NFKBIZ: variants seen among roughly 807,000 people sequenced by gnomAD.
NFKBIZ encodes the protein NF-kappa-B inhibitor zeta.
Under a neutral mutation model 76.8 loss-of-function variants are expected in NFKBIZ, and 19 were observed. The ratio of observed to expected loss-of-function variants is 0.25; its 90% CI spans 0.17 to 0.36. NFKBIZ has a LOEUF of 0.36. NFKBIZ is among the 10% of genes least tolerant of loss of function. The pLI is 1.00. For synonymous variants in NFKBIZ, 368 were observed against 354.8 expected (o/e 1.04, Z -0.42); for missense variants, 829 against 910.9 (o/e 0.91, Z 1.16).
chr3:101,844,991 G>C (rs1343907053), upstream of NFKBIZ, among the ~76,000 whole-genome samples: 2 of 152,070 alleles, frequency 1.3e-5, no homozygotes, highest in African/African-American at 2.4e-5. Context: ...ATTCTGGCCG[G>C]GCACGGTGGC....
intron 2 of NFKBIZ, among the ~76,000 whole-genome samples, chr3:101,844,108 T>C (rs1203438559): frequency 1.3e-5 from 2 of 152,220 alleles, no homozygotes; most frequent in African/African-American, 4.8e-5. Context: ...GTATAATTGG[T>C]GTTCCATGAA....
chr3:101,852,528 A>G (rs1266744951), intron 2 of NFKBIZ, among the ~76,000 whole-genome samples: 2 of 152,268 alleles, frequency 1.3e-5, no homozygotes, highest in Non-Finnish European at 2.9e-5. Flanking sequence ...TATTAATTTC[A>G]TCTTGACCTG....
In NFKBIZ at chr3:101,849,671, G is replaced by A; in HGVS notation, c.43G>A (p.Gly15Arg). Residue 15 changes from glycine to arginine, a missense_variant, in exon 1 of 12, where the codon GGG (glycine) becomes AGG (arginine). Physicochemically the swap from Gly to Arg is moderately radical, Grantham distance 125 (BLOSUM62 -2). Around this residue, in one of 4 missense-constraint regions of NFKBIZ, gnomAD observed 181 missense variants for 175.3 expected, o/e 1.03. Transcript: ENST00000326172. ...KLLDDSRGGE[G>R]LRDAAGGCGL... ...GCTGGACGACAGCCGCGGCGGAGAG[G>A]GGCTGCGGGACGCGGCGGGCGGCTG... The A allele has an allele frequency of 7.1e-7, 1 of 1,407,006 alleles. No homozygotes were observed. The highest frequency in any genetic ancestry group is 9.2e-7 in the Non-Finnish European group (1 of 1,089,436). 87.2% of individuals were successfully genotyped at this position (1,407,006 alleles called of 1,614,324 possible). A position where few individuals can be genotyped will look rare whatever the true frequency, so the allele number is the denominator to read the frequency against.
intron 2 of NFKBIZ, among the ~76,000 whole-genome samples, chr3:101,832,109 T>C (rs1942655393): frequency 6.6e-6 from 1 of 152,100 alleles, no homozygotes; most frequent in Non-Finnish European, 1.5e-5. Flanking sequence ...TCTTTCTTTT[T>C]TATTTTTTAT....
chr3:101,852,856 A>G lies in NFKBIZ; in HGVS notation c.461-30A>G, dbSNP rs1437825748. 4 of 1,605,042 alleles carry G rather than the reference A, an allele frequency of 2.5e-6. No homozygotes were observed. In the African/African-American group the frequency reaches 4.0e-5, roughly 16 times the overall value. On this transcript the variant is annotated intron_variant, in intron 3 of 11. Coordinates refer to ENST00000326172, the MANE Select transcript of NFKBIZ (RefSeq NM_031419.4). ...TGGGTAACATTTATAAAATAAAATG[A>G]TGACAGAGGCTGTATTCCTTTGGGT... is the stretch of plus-strand genomic sequence containing the variant.
At chr3:101,856,682 T>A (rs746731650) in intron 9 of NFKBIZ, 23 of 162,238 alleles carry the variant, frequency 1.4e-4, no homozygotes, top group Non-Finnish European at 2.6e-4. Flanking sequence ...CCCTTGAGGC[T>A]TACTGACTAG....
intron 2 of NFKBIZ, among the ~76,000 whole-genome samples, chr3:101,834,641 G>A (rs966280783): frequency 6.6e-5 from 10 of 152,138 alleles, no homozygotes; most frequent in African/African-American, 9.7e-5. Context: ...GATCACAGGC[G>A]TGAGCCACCA....
intron 11 of NFKBIZ, chr3:101,858,058 C>G (rs865914892): frequency 1.8e-5 from 16 of 903,602 alleles, no homozygotes; most frequent in Non-Finnish European, 1.9e-5. Flanking sequence ...TGAATAGTTT[C>G]ATGAGTAAAC....
chr3:101,850,031 C>T, intron 1 of NFKBIZ, 114 bp downstream of exon 1: 1 of 1,036,404 alleles, frequency 9.6e-7, no homozygotes, highest in South Asian at 2.8e-5. Context: ...CTAGGACGTA[C>T]GCACCTTAGC....
chr3:101,855,083 G>C lies in NFKBIZ; in HGVS notation c.1465G>C (p.Ala489Pro). The C allele has an allele frequency of 6.2e-7, 1 of 1,609,048 alleles. No homozygotes were observed. Among genetic ancestry groups the C allele is most frequent in the Non-Finnish European group, 8.5e-7 (1 of 1,178,628 alleles). ...ACAGAGTGCCTTTCAGGTGGCAGTG[G>C]CTGCCAATCAGCATCTCATTGTGCA... Reference protein sequence around the residue: ...NGQSAFQVAVAANQHLIVQDL... With the variant: ...NGQSAFQVAVPANQHLIVQDL... The change falls in exon 7 of 12, where the codon GCT (alanine) becomes CCT (proline). Residue 489 changes from alanine (A) to proline (P), a missense_variant. Ala to Pro is a conservative substitution (Grantham distance 27). This residue lies in a region of NFKBIZ where 272 missense variants were observed against 384.2 expected (regional missense o/e 0.71). Transcript: ENST00000326172.
rs773289696 is a variant in NFKBIZ, at chr3:101,853,191, A to G, written c.665A>G (p.Asn222Ser). Residue 222 changes from asparagine (N) to serine (S), a missense_variant, in exon 5 of 12, where the codon AAC (asparagine) becomes AGC (serine). Physicochemically the swap from Asn to Ser is conservative, Grantham distance 46. Around this residue, in one of 4 missense-constraint regions of NFKBIZ, gnomAD observed 371 missense variants for 332.3 expected, o/e 1.12. Coordinates refer to ENST00000326172, the MANE Select transcript of NFKBIZ (RefSeq NM_031419.4). ...SSADLLQNII[N>S]IKNECSPVSL... ...GCTGATCTGCTTCAGAACATTATCA[A>G]CATTAAGAATGAATGCAGCCCCGTT... 17 of 1,614,040 alleles carry G rather than the reference A, an allele frequency of 1.1e-5. No homozygotes were observed. The highest frequency in any genetic ancestry group is 1.6e-4 in the Middle Eastern group (1 of 6,084).
At position 101,860,501 on chromosome 3, in the gene NFKBIZ, T is replaced by C. The variant is rs957248142; in HGVS notation, c.*1130T>C. 1 of 152,116 alleles carries C rather than the reference T, an allele frequency of 6.6e-6. No homozygotes were observed. Among genetic ancestry groups the C allele is most frequent in the Admixed American group, 6.6e-5 (1 of 15,266 alleles). 9.4% of individuals were successfully genotyped at this position (152,116 alleles called of 1,614,324 possible). A position where few individuals can be genotyped will look rare whatever the true frequency, so the allele number is the denominator to read the frequency against. On this transcript the variant is annotated 3_prime_UTR_variant, in exon 12 of 12. Coordinates refer to ENST00000326172, the MANE Select transcript of NFKBIZ (RefSeq NM_031419.4). ...TGGCAGTTGCATGGAAGAGAACACC[T>C]CTTTATGGCTTACCCTCTAGAATTT...
chr3:101,849,385 T>G, upstream of NFKBIZ: 1 of 350,898 alleles, frequency 2.8e-6, no homozygotes, highest in Non-Finnish European at 5.1e-6. Context: ...TACATTTTAC[T>G]GGAAATCGGA....
chr3:101,855,705 C>T, intron 8 of NFKBIZ, 28 bp from the exon 9 acceptor site: 8 of 1,561,598 alleles, frequency 5.1e-6, no homozygotes, highest in African/African-American at 1.4e-5. Context: ...GGATGCTTGA[C>T]CACTGCTTGA....
In NFKBIZ at chr3:101,852,872, T is replaced by A. The variant is rs752539427; in HGVS notation, c.461-14T>A. 3 of 1,610,392 alleles carry A rather than the reference T, an allele frequency of 1.9e-6. No individual in the cohort carries two copies. The highest frequency in any genetic ancestry group is 2.5e-6 in the Non-Finnish European group (3 of 1,177,086). On this transcript the variant is annotated splice_polypyrimidine_tract_variant and intron_variant, in intron 3 of 11. Coordinates refer to ENST00000326172, the MANE Select transcript of NFKBIZ (RefSeq NM_031419.4). ...AATAAAATGATGACAGAGGCTGTAT[T>A]CCTTTGGGTACAGAATTGAAGAACA...
chr3:101,849,505 G>A (rs1233315902), upstream of NFKBIZ: 3 of 840,204 alleles, frequency 3.6e-6, no homozygotes, highest in Non-Finnish European at 4.8e-6. Context: ...GCAGTCCCGC[G>A]CCGCGCCCGT....
intron 2 of NFKBIZ, among the ~76,000 whole-genome samples, chr3:101,836,969 A>AT (rs1056550797): frequency 1.3e-5 from 2 of 152,194 alleles, no homozygotes; most frequent in African/African-American, 4.8e-5. Context: ...TTCATAGGTT[A>AT]TTTGTGGAGT....
intron 2 of NFKBIZ, among the ~76,000 whole-genome samples, chr3:101,833,388 T>C (rs546621683): frequency 6.6e-6 from 1 of 152,278 alleles, no homozygotes; most frequent in South Asian, 2.1e-4. Flanking sequence ...CTCTGTAGCA[T>C]AGCACAGGGT....
chr3:101,852,954 T>A lies in NFKBIZ; in HGVS notation c.529T>A (p.Cys177Ser). Residue 177 changes from cysteine to serine, a missense_variant, in exon 4 of 12, where the codon TGC (cysteine) becomes AGC (serine). Cys to Ser is a moderately radical substitution (Grantham distance 112). Around this residue, in one of 4 missense-constraint regions of NFKBIZ, gnomAD observed 371 missense variants for 332.3 expected, o/e 1.12. Coordinates refer to ENST00000326172, the MANE Select transcript of NFKBIZ (RefSeq NM_031419.4). ...CGATTCGTTGTCTGATGGACCTGCT[T>A]GCAAAAGGCCAGCTCTGTTGCATTC... The part of the protein sequence containing the change: ...GPDSLSDGPA[C>S]KRPALLHSQF... The A allele has an allele frequency of 6.2e-7, 1 of 1,614,238 alleles. No homozygotes were observed. Among genetic ancestry groups the A allele is most frequent in the Non-Finnish European group, 8.5e-7 (1 of 1,180,040 alleles).
Sources: gnomAD v4.1 joint callset for allele counts (sites outside exome capture counted in the v4.1 genomes callset) on GRCh38, gnomAD v4.1.1 for gene constraint, gnomAD v4.1.1 regional missense constraint, MANE v1.5 for transcripts, NCBI Gene and HGNC (gene_info 2026-07-23, HGNC 2026-07-21) for gene names.